ASPSCR1: variants seen among roughly 807,000 people sequenced by gnomAD.
ASPSCR1 encodes the protein tether containing UBX domain for GLUT4.
Under a neutral mutation model 68.9 loss-of-function variants are expected in ASPSCR1, and 55 were observed. The ratio of observed to expected loss-of-function variants is 0.80; its 90% confidence interval spans 0.64 to 1.00. ASPSCR1 has a LOEUF of 1.00. Ranked by LOEUF, ASPSCR1 falls within the 50% of genes least tolerant of loss-of-function variation. The pLI is 0.00. For missense variants in ASPSCR1, 765 were observed against 762.2 expected (o/e 1.00, Z -0.04); for synonymous variants, 352 against 332.6 (o/e 1.06, Z -0.63).
At chr17:81,994,381 G>T (rs1450388768) in intron 4 of ASPSCR1, among the ~76,000 whole-genome samples, 1 of 152,214 alleles carries the variant, frequency 6.6e-6, no homozygotes, top group African/African-American at 2.4e-5. Context: ...GGAGACAGGG[G>T]CACCTCCTCT....
At position 81,999,387 on chromosome 17, in the gene ASPSCR1, G is replaced by T. The variant is rs1398696076; in HGVS notation, c.933+2541G>T. Reference sequence around the variant, plus strand: ...CACACCTGTAATCCCAGCAGTTTGGGAGACCGAGGTGGGCAGATCACCTGA... The same window carrying T: ...CACACCTGTAATCCCAGCAGTTTGGTAGACCGAGGTGGGCAGATCACCTGA... On this transcript the variant is annotated intron_variant, in intron 7 of 15. Coordinates refer to ENST00000306739, the MANE Select transcript of ASPSCR1 (RefSeq NM_024083.4). The surrounding 1 kb of genome is among the most constrained non-coding windows in gnomAD (Gnocchi z 4.4). 6.6e-6 allele frequency among the ~76,000 whole-genome samples: 1 copy of T among 152,218 alleles called. No individual in the cohort carries two copies. The highest frequency in any genetic ancestry group is 1.5e-5 in the Non-Finnish European group (1 of 68,038).
intron 4 of ASPSCR1, among the ~76,000 whole-genome samples, chr17:81,989,284 A>T (rs2042088608): frequency 6.6e-6 from 1 of 152,206 alleles, no homozygotes; most frequent in Non-Finnish European, 1.5e-5. Context: ...CTAACCATGG[A>T]GCAGGATATG....
At chr17:82,015,480 T>C (rs2144105865) in intron 12 of ASPSCR1, 1 of 1,273,320 alleles carries the variant, frequency 7.9e-7, no homozygotes, top group Non-Finnish European at 1.1e-6. Context: ...CCCCTTTCTG[T>C]GCGTCCCGTG....
intron 2 of ASPSCR1, among the ~76,000 whole-genome samples, chr17:81,980,580 A>G (rs563083054): frequency 1.6e-4 from 24 of 152,246 alleles, no homozygotes; most frequent in African/African-American, 5.5e-4. Flanking sequence ...GGAGGGCTTT[A>G]TTTCTCATAA....
At chr17:82,016,720 A>T in intron 13 of ASPSCR1, 80 bp from the exon 14 acceptor site, 1 of 1,517,646 alleles carries the variant, frequency 6.6e-7, no homozygotes, top group Admixed American at 1.9e-5. Flanking sequence ...CCCAGAGCTG[A>T]GTGCTGGTGG....
At position 82,009,164 on chromosome 17, in the gene ASPSCR1, G is replaced by A. The variant is rs146589185; in HGVS notation, c.1061G>A (p.Arg354Lys). 4 of 1,610,914 alleles carry A rather than the reference G, an allele frequency of 2.5e-6. No individual in the cohort carries two copies. In the Admixed American group the frequency reaches 6.7e-5, roughly 27 times the overall value. Residue 354 changes from arginine (R) to lysine (K), a missense_variant, in exon 8 of 16, where the codon AGA (arginine) becomes AAA (lysine). Arg to Lys is a conservative substitution (Grantham distance 26). Coordinates refer to ENST00000306739, the MANE Select transcript of ASPSCR1 (RefSeq NM_024083.4). ...GAGCTGACGGTGGACGACGTGAGAA[G>A]ACGCTTGGCCCAGCTCAAGAGTGAG... ...FFELTVDDVR[R>K]RLAQLKSERK... is the part of the protein sequence containing the mutation.
rs1348901828 is a variant in ASPSCR1 at position 81,994,845 on chromosome 17, G to A, written c.399G>A (p.Gly133=). The change falls in exon 5 of 16, where the codon GGG becomes GGA. Residue 133 remains glycine, a synonymous_variant. Transcript: ENST00000306739. ...QIRECLQHPG[G]ATPVCVYTRD... ...GGGAGTGCCTGCAGCACCCCGGCGGGGCCACCCCAGTCTGCGTGTACACGA... is the reference window on the plus strand; with the variant it reads ...GGGAGTGCCTGCAGCACCCCGGCGGAGCCACCCCAGTCTGCGTGTACACGA... The A allele has an allele frequency of 2.5e-6, 4 of 1,613,196 alleles. No individual in the cohort carries two copies. The highest frequency in any genetic ancestry group is 3.3e-5 in the Admixed American group (2 of 59,960).
chr17:81,984,298 A>G (rs954541567), intron 3 of ASPSCR1, among the ~76,000 whole-genome samples: 3 of 152,120 alleles, frequency 2.0e-5, no homozygotes, highest in African/African-American at 7.2e-5. Flanking sequence ...AAAGCGCTGC[A>G]TGGATGCCGC....
rs772676675 is a variant in ASPSCR1 at position 82,012,299 on chromosome 17, C to T, written c.1353+16C>T. ...CCTCTTTCAGGTACCTGAGGGCCTC[C>T]CTGGGGTGCTGCGGGGCGGGGCCCT... On this transcript the variant is annotated intron_variant, in intron 12 of 15. Coordinates refer to ENST00000306739, the MANE Select transcript of ASPSCR1 (RefSeq NM_024083.4). 1.2e-6 allele frequency: 2 copies of T among 1,612,582 alleles called. No individual in the cohort carries two copies. The highest frequency in any genetic ancestry group is 1.7e-6 in the Non-Finnish European group (2 of 1,179,424).
intron 9 of ASPSCR1, among the ~76,000 whole-genome samples, 185 bp downstream of exon 9, chr17:82,009,752 ACG>A (rs1598429180): frequency 7.0e-6 from 1 of 143,226 alleles, no homozygotes; most frequent in Non-Finnish European, 1.5e-5. Context: ...TGTGGATGGG[ACG>A]TGGGGGCGAC....
intron 12 of ASPSCR1, 104 bp from the exon 13 acceptor site, chr17:82,016,372 G>C: frequency 9.4e-7 from 1 of 1,067,800 alleles, no homozygotes. Context: ...GGCAGAGCCT[G>C]TCTGAGGGTG....
rs776774074 is a variant in ASPSCR1 at position 81,996,833 on chromosome 17, AG to A, written c.922del (p.Glu308SerfsTer40). 6.2e-7 allele frequency: 1 copy of A among 1,600,106 alleles called. No homozygotes were observed. The highest frequency in any genetic ancestry group is 1.1e-5 in the South Asian group (1 of 89,924). Reference protein sequence around the residue: ...QERERDPQQEQERERPVDREP... With the variant: ...QERERDPQQEXERERPVDREP... ...CGGGAGCGGGATCCCCAGCAGGAGC[AG>A]GAGCGGGAGCGGGTAAAAGGGGCTC... On this transcript the variant is annotated frameshift_variant, in exon 7 of 16. Coordinates refer to ENST00000306739, the MANE Select transcript of ASPSCR1 (RefSeq NM_024083.4). LOFTEE classifies it high-confidence loss of function.
At chr17:81,995,768 C>G (rs567926195) in intron 5 of ASPSCR1, among the ~76,000 whole-genome samples, 3 of 152,238 alleles carry the variant, frequency 2.0e-5, no homozygotes, top group African/African-American at 4.8e-5. Flanking sequence ...CTGGGGGAGA[C>G]ACGGTCAGGC....
In ASPSCR1 at chr17:82,009,142, C is replaced by G; in HGVS notation, c.1039C>G (p.Leu347Val). The G allele has an allele frequency of 6.2e-7, 1 of 1,609,942 alleles. No homozygotes were observed. The highest frequency in any genetic ancestry group is 1.3e-5 in the African/African-American group (1 of 75,018). Residue 347 changes from leucine to valine, a missense_variant, in exon 8 of 16, where the codon CTG becomes GTG. By Grantham distance (32) the Leu-to-Val change is conservative. Transcript: ENST00000306739. ...GGAGCTGCCTGATGAGTTCTTTGAG[C>G]TGACGGTGGACGACGTGAGAAGACG... is the stretch of plus-strand genomic sequence containing the variant. ...PAELPDEFFELTVDDVRRRLA... is the reference protein window; with the variant it reads ...PAELPDEFFEVTVDDVRRRLA...
In ASPSCR1 at chr17:82,009,562, C is replaced by A; in HGVS notation, c.1165C>A (p.Pro389Thr). ...AQIKEKLERY[P>T]KVALRVLFPD... ...GATAAAGGAGAAGCTGGAGCGCTAC[C>A]CAAAGGTCTGCAGACAGGATGTGGG... Residue 389 changes from proline (P) to threonine (T), a missense_variant, in exon 9 of 16, where the codon CCA (proline) becomes ACA (threonine). Pro to Thr is a conservative substitution (Grantham distance 38). Transcript: ENST00000306739. 6.3e-7 allele frequency: 1 copy of A among 1,579,710 alleles called. No homozygotes were observed. Among genetic ancestry groups the A allele is most frequent in the Non-Finnish European group, 8.6e-7 (1 of 1,163,432 alleles).
intron 11 of ASPSCR1, among the ~76,000 whole-genome samples, chr17:82,011,913 C>T (rs1463260326): frequency 6.6e-6 from 1 of 152,156 alleles, no homozygotes; most frequent in East Asian, 1.9e-4. Context: ...TGCCCGAGGG[C>T]TGTGGGAAGG....
intron 7 of ASPSCR1, among the ~76,000 whole-genome samples, chr17:82,001,094 C>T (rs950941502): frequency 2.6e-5 from 4 of 152,172 alleles, no homozygotes; most frequent in Admixed American, 6.5e-5. Flanking sequence ...GGCTGACAGC[C>T]GGTGTGGGAC....
chr17:82,012,496 G>C (rs550682656), intron 12 of ASPSCR1, among the ~76,000 whole-genome samples: 36 of 152,260 alleles, frequency 2.4e-4, no homozygotes, highest in African/African-American at 8.4e-4. Context: ...GCCTGGCCCC[G>C]GGTGGGAAAG....
chr17:82,016,606 C>T, intron 13 of ASPSCR1, 79 bp downstream of exon 13: 9 of 1,531,648 alleles, frequency 5.9e-6, no homozygotes, highest in Middle Eastern at 2.0e-4. Context: ...CCCGGGAGGG[C>T]GTTCGGTCTG....
Sources: allele counts gnomAD v4.1 joint callset (sites outside exome capture counted in the v4.1 genomes callset), GRCh38; gene constraint gnomAD v4.1.1; non-coding constraint Gnocchi (gnomAD v3.1); transcripts MANE v1.5; gene names NCBI Gene and HGNC (gene_info 2026-07-23, HGNC 2026-07-21).